BAZ2B: variants seen among roughly 807,000 people sequenced by gnomAD.
BAZ2B encodes bromodomain adjacent to zinc finger domain 2B.
In BAZ2B, 91 loss-of-function variants were observed where a neutral mutation model predicts 246.0. That is an observed-to-expected ratio of 0.37 (90% confidence interval 0.31 to 0.44). The LOEUF is 0.44. Ranked by LOEUF, BAZ2B falls within the 20% of genes least tolerant of loss-of-function variation. The probability of loss-of-function intolerance (pLI) is 1.00; values close to 1 mark genes in which losing one functional copy is unlikely to be tolerated. For missense variants in BAZ2B, 2,332 were observed against 2,533.7 expected, an observed-to-expected ratio of 0.92 and a Z score of 1.71; for synonymous variants, 855 against 860.0, an observed-to-expected ratio of 0.99 and a Z score of 0.10.
the BAZ2B span, among the ~76,000 whole-genome samples, chr2:159,676,655 A>ACACACG: frequency 2.0e-5 from 3 of 150,964 alleles, no homozygotes; most frequent in African/African-American, 7.3e-5. Flanking sequence ...ATGCACACAC[A>ACACACG]CACACACACA....
chr2:159,711,705 C>T, the BAZ2B span, among the ~76,000 whole-genome samples: 1 of 152,174 alleles, frequency 6.6e-6, no homozygotes. Context: ...CTAACCTACT[C>T]CCTTTTATTT....
At chr2:159,653,443 A>G in the BAZ2B span, among the ~76,000 whole-genome samples, 8 of 140,188 alleles carry the variant, frequency 5.7e-5, no homozygotes, top group African/African-American at 1.9e-4. Context: ...CAGATATTCT[A>G]TAATTCTTTC....
the BAZ2B span, among the ~76,000 whole-genome samples, chr2:159,635,698 T>A: frequency 6.6e-6 from 1 of 152,166 alleles, no homozygotes; most frequent in East Asian, 1.9e-4. Flanking sequence ...TAGGAGGACA[T>A]TTCTGTAGCT....
chr2:159,630,597 A>G, the BAZ2B span, among the ~76,000 whole-genome samples: 78,582 of 147,962 alleles, frequency 0.53, 21,228 homozygotes, highest in East Asian at 0.73. Flanking sequence ...GCAGTGGCGC[A>G]ATCTCGGCTC....
chr2:159,635,519 T>C, the BAZ2B span, among the ~76,000 whole-genome samples: 2 of 152,120 alleles, frequency 1.3e-5, no homozygotes, highest in African/African-American at 4.8e-5. Flanking sequence ...AATTTTCTAT[T>C]TCTTTCCTTG....
chr2:159,636,380 C>T, the BAZ2B span, among the ~76,000 whole-genome samples: 1 of 152,168 alleles, frequency 6.6e-6, no homozygotes. Context: ...GAGAATGCAG[C>T]TCCTGGGAGA....
At chr2:159,398,961 C>A in intron 17 of BAZ2B, 67 bp from the exon 18 acceptor site, 1 of 1,456,388 alleles carries the variant, frequency 6.9e-7, no homozygotes, top group Non-Finnish European at 9.5e-7. Flanking sequence ...TAATGTCAGA[C>A]TTGAAATGAA....
intron 6 of BAZ2B, among the ~76,000 whole-genome samples, chr2:159,441,595 G>C (rs532365389): frequency 6.6e-6 from 1 of 152,148 alleles, no homozygotes; most frequent in African/African-American, 2.4e-5. Flanking sequence ...TAATTAGCTA[G>C]TAAGTCTCTT....
chr2:159,631,119 C>T, the BAZ2B span, among the ~76,000 whole-genome samples: 24 of 152,010 alleles, frequency 1.6e-4, no homozygotes, highest in African/African-American at 4.4e-4. Flanking sequence ...CTGCTTGAGC[C>T]CAGGAGGGCA....
At chr2:159,381,637 T>C (rs2062006712) in intron 25 of BAZ2B, among the ~76,000 whole-genome samples, 1 of 152,194 alleles carries the variant, frequency 6.6e-6, no homozygotes, top group South Asian at 2.1e-4. Context: ...GCACTTCTGA[T>C]GTTGCCCCAC....
chr2:159,599,770 A>G (rs1324694717), intron 1 of BAZ2B, among the ~76,000 whole-genome samples: 1 of 151,786 alleles, frequency 6.6e-6, no homozygotes, highest in Non-Finnish European at 1.5e-5. Context: ...CCCCATCTCT[A>G]CTAAAAATAC....
intron 2 of BAZ2B, among the ~76,000 whole-genome samples, chr2:159,528,340 T>C (rs1578112869): frequency 6.6e-6 from 1 of 151,842 alleles, no homozygotes; most frequent in Non-Finnish European, 1.5e-5. Flanking sequence ...ATTTGAGAAA[T>C]ATTTAGGGGG....
chr2:159,444,375 T>A (rs746647374), intron 6 of BAZ2B: 1 of 152,186 alleles, frequency 6.6e-6, no homozygotes, highest in Non-Finnish European at 1.5e-5. Flanking sequence ...ATTTTTGTGA[T>A]GGGTACCGTC....
chr2:159,331,505 C>T (rs1180542286), intron 34 of BAZ2B, among the ~76,000 whole-genome samples: 2 of 152,204 alleles, frequency 1.3e-5, no homozygotes, highest in African/African-American at 4.8e-5. Context: ...ATAGTTGGGA[C>T]TACAGGCATG....
chr2:159,628,634 T>C, the BAZ2B span, among the ~76,000 whole-genome samples: 5 of 152,208 alleles, frequency 3.3e-5, no homozygotes, highest in African/African-American at 1.2e-4. Flanking sequence ...AAACTGAAAC[T>C]GGACCACTTC....
chr2:159,482,654 G>T (rs1036928429), intron 2 of BAZ2B, among the ~76,000 whole-genome samples: 9 of 152,024 alleles, frequency 5.9e-5, no homozygotes, highest in Non-Finnish European at 1.3e-4. Context: ...TAAAATAAAT[G>T]TCTCATAATT....
rs182057790 is a variant in BAZ2B, at chr2:159,413,452, A to G, written c.2467-907T>C. Among the ~76,000 whole-genome samples, 1,114 of 152,308 alleles carry G rather than the reference A, an allele frequency of 7.3e-3. 15 individuals carry two copies. The highest frequency in any genetic ancestry group is 0.026 in the African/African-American group (1,071 of 41,562). On this transcript the variant is annotated intron_variant, in intron 13 of 36. Coordinates refer to ENST00000392783, the MANE Select transcript of BAZ2B (RefSeq NM_013450.4). ...CCGGGCACAGTGGCTCACGACCTGT[A>G]ATCCCAGCACTTTGGGAGGCCGAGG...
chr2:159,396,991 A>G, intron 19 of BAZ2B: 4 of 1,126,600 alleles, frequency 3.6e-6, no homozygotes, highest in Non-Finnish European at 4.8e-6. Context: ...AGCCAGTGCT[A>G]CACTTTATGC....
chr2:159,400,934 C>T (rs2064943315), intron 16 of BAZ2B, among the ~76,000 whole-genome samples: 3 of 152,042 alleles, frequency 2.0e-5, no homozygotes, highest in African/African-American at 7.2e-5. Context: ...GTCCCAACTA[C>T]TCGGGAGGCT....
Sources: gnomAD v4.1 joint callset for allele counts (sites outside exome capture counted in the v4.1 genomes callset) on GRCh38, gnomAD v4.1.1 for gene constraint, MANE v1.5 for transcripts, NCBI Gene and HGNC (gene_info 2026-07-23, HGNC 2026-07-21) for gene names.